ALMS1: variants seen among roughly 807,000 people sequenced by gnomAD.
ALMS1 encodes centrosome-associated protein ALMS1.
Under a neutral mutation model 352.2 loss-of-function variants are expected in ALMS1, and 271 were observed. The ratio of observed to expected loss-of-function variants is 0.77; its 90% CI spans 0.70 to 0.85. ALMS1 has a LOEUF of 0.85. ALMS1 is among the 40% of genes least tolerant of loss of function. ALMS1 has a pLI of 0.00. For synonymous variants in ALMS1, 1,865 were observed against 1,761.2 expected (o/e 1.06, Z -1.48); for missense variants, 5,445 against 4,870.7 (o/e 1.12, Z -3.51).
Position 73,449,753 on chromosome 2 carries a change from G to C in ALMS1, c.3226G>C (p.Val1076Leu). The change falls in exon 8 of 23, where the codon GTT becomes CTT. Residue 1076 changes from valine to leucine, a missense_variant. Transcript: ENST00000613296. Reference protein sequence around the residue: ...DSHLPEESLKVSAFPGPADQM... With the variant: ...DSHLPEESLKLSAFPGPADQM... Reference sequence around the variant, plus strand: ...TCATCTACCTGAAGAGAGTCTGAAAGTTTCAGCCTTCCCTGGACCAGCTGA... The same window carrying C: ...TCATCTACCTGAAGAGAGTCTGAAACTTTCAGCCTTCCCTGGACCAGCTGA... 1 of 1,614,110 alleles carries C rather than the reference G, an allele frequency of 6.2e-7. No individual in the cohort carries two copies. Among genetic ancestry groups the C allele is most frequent in the Non-Finnish European group, 8.5e-7 (1 of 1,179,978 alleles).
intron 13 of ALMS1, among the ~76,000 whole-genome samples, chr2:73,550,697 A>G (rs969752965): frequency 6.6e-6 from 1 of 152,246 alleles, no homozygotes; most frequent in Non-Finnish European, 1.5e-5. Context: ...TTGAAATGAA[A>G]TAATACCCAA....
At chr2:73,462,953 A>G (rs1301431752) in intron 9 of ALMS1, 1 of 152,188 alleles carries the variant, frequency 6.6e-6, no homozygotes, top group African/African-American at 2.4e-5. Context: ...CCAGATTCAT[A>G]AAGCAAGTCC....
At position 73,584,284 on chromosome 2, in the gene ALMS1, A is replaced by G. The variant is rs113600458; in HGVS notation, c.11547+10860A>G. Among the ~76,000 whole-genome samples the G allele has an allele frequency of 7.9e-3, 1,207 of 152,360 alleles. 13 individuals carry two copies. Among genetic ancestry groups the G allele is most frequent in the African/African-American group, 0.028 (1,157 of 41,586 alleles). ...TAGTAGTAGTATTACTATATTGACT[A>G]GCTTCTGTTTCAAGAATTAGAACAT... On this transcript the variant is annotated intron_variant, in intron 16 of 22. Coordinates refer to ENST00000613296, the MANE Select transcript of ALMS1 (RefSeq NM_001378454.1).
chr2:73,394,992 A>ATATATATGTGTG (rs1553397357), intron 1 of ALMS1, among the ~76,000 whole-genome samples: 2 of 122,036 alleles, frequency 1.6e-5, no homozygotes, highest in African/African-American at 3.7e-5. Flanking sequence ...ATATATGTGT[A>ATATATATGTGTG]TATATATATG....
At position 73,609,611 on chromosome 2, in the gene ALMS1, GAC is replaced by G. The variant is rs763474780; in HGVS notation, c.*3_*4del. Reference sequence around the variant, plus strand: ...CTGGGGAGAAAAGTTCCCTGGGACTGACACAAGTTTATTTTCCTCAGAGCCTT... The same window carrying G: ...CTGGGGAGAAAAGTTCCCTGGGACTGACAAGTTTATTTTCCTCAGAGCCTT... On this transcript the variant is annotated stop_retained_variant and 3_prime_UTR_variant, in exon 23 of 23. Coordinates refer to ENST00000613296, the MANE Select transcript of ALMS1 (RefSeq NM_001378454.1). 2 of 1,613,988 alleles carry G rather than the reference GAC, an allele frequency of 1.2e-6. No individual in the cohort carries two copies. Among genetic ancestry groups the G allele is most frequent in the Middle Eastern group, 1.6e-4 (1 of 6,062 alleles).
At chr2:73,502,609 G>T (rs1673240074) in intron 10 of ALMS1, among the ~76,000 whole-genome samples, 1 of 151,926 alleles carries the variant, frequency 6.6e-6, no homozygotes, top group African/African-American at 2.4e-5. Flanking sequence ...ATCATGAATG[G>T]GTGTTTAATT....
chr2:73,563,740 A>T (rs967058642), intron 15 of ALMS1, among the ~76,000 whole-genome samples: 7 of 126,132 alleles, frequency 5.5e-5, no homozygotes, highest in Non-Finnish European at 1.1e-4. Flanking sequence ...AAAAAAAAAA[A>T]TAAAAATAAA....
chr2:73,408,229 C>T (rs890886398), intron 1 of ALMS1, among the ~76,000 whole-genome samples: 13 of 152,200 alleles, frequency 8.5e-5, no homozygotes, highest in Non-Finnish European at 1.8e-4. Context: ...AGTAGGAGAG[C>T]GCTGCTCCAA....
chr2:73,438,243 A>G (rs1002968894), intron 7 of ALMS1, among the ~76,000 whole-genome samples: 1 of 152,140 alleles, frequency 6.6e-6, no homozygotes, highest in South Asian at 2.1e-4. Flanking sequence ...TGGTCCCTTG[A>G]TATTAGTTGC....
In ALMS1 at chr2:73,450,678, A is replaced by G. The variant is rs755653330; in HGVS notation, c.4151A>G (p.His1384Arg). 17 of 1,612,686 alleles carry G rather than the reference A, an allele frequency of 1.1e-5. No homozygotes were observed. The South Asian group carries it at 1.9e-4, about 18-fold the overall frequency. ...PTVTSTSYSQ[H>R]TEKPSIFYQQ... is the part of the protein sequence containing the mutation. ...GTAACCTCTACTTCTTACTCACAACATACAGAGAAGCCGAGTATTTTCTAC... is the reference window on the plus strand; with the variant it reads ...GTAACCTCTACTTCTTACTCACAACGTACAGAGAAGCCGAGTATTTTCTAC... Residue 1384 changes from histidine (H) to arginine (R), a missense_variant, in exon 8 of 23, where the codon CAT becomes CGT. Transcript: ENST00000613296.
intron 9 of ALMS1, among the ~76,000 whole-genome samples, chr2:73,488,010 A>G (rs577608621): frequency 2.9e-4 from 44 of 152,300 alleles, no homozygotes; most frequent in Middle Eastern, 3.4e-3. Context: ...ATGCATGCCA[A>G]TTGGTCCATG....
chr2:73,420,555 A>G (rs1166842758), intron 3 of ALMS1, among the ~76,000 whole-genome samples: 1 of 152,198 alleles, frequency 6.6e-6, no homozygotes, highest in African/African-American at 2.4e-5. Context: ...TGATGTAAAA[A>G]AGAGCTTTCT....
Position 73,449,932 on chromosome 2 carries a change from CACA to C in ALMS1, c.3406_3408del (p.Thr1136del), listed in dbSNP as rs1327068981. 1 of 1,613,508 alleles carries C rather than the reference CACA, an allele frequency of 6.2e-7. No homozygotes were observed. The highest frequency in any genetic ancestry group is 8.5e-7 in the Non-Finnish European group (1 of 1,179,884). Reference sequence around the variant, plus strand: ...CTGGACTAGCAGACCAGAAGACTGGCACACCAACTGTAACCTCAACTTCCTACT... The same window carrying C: ...CTGGACTAGCAGACCAGAAGACTGGCCCAACTGTAACCTCAACTTCCTACT... On this transcript the variant is annotated inframe_deletion, in exon 8 of 23. Transcript: ENST00000613296.
In ALMS1 at chr2:73,579,183, C is replaced by G. The variant is rs531358018; in HGVS notation, c.11547+5759C>G. Among the ~76,000 whole-genome samples, 36 of 151,298 alleles carry G rather than the reference C, an allele frequency of 2.4e-4. No homozygotes were observed. The South Asian group carries it at 3.1e-3, about 13-fold the overall frequency. ...CCAGCAGTTCTCCTGCCTCGACCTCCCAAGTAGCTGAGATTACAGGTGCCT... is the reference window on the plus strand; with the variant it reads ...CCAGCAGTTCTCCTGCCTCGACCTCGCAAGTAGCTGAGATTACAGGTGCCT... On this transcript the variant is annotated intron_variant, in intron 16 of 22. Transcript: ENST00000613296.
At chr2:73,463,983 C>T (rs1355171868) in intron 9 of ALMS1, among the ~76,000 whole-genome samples, 1 of 152,158 alleles carries the variant, frequency 6.6e-6, no homozygotes, top group Non-Finnish European at 1.5e-5. Context: ...AAGTCCAGGT[C>T]CAGATGGAAT....
chr2:73,535,997 C>T (rs933863709), intron 12 of ALMS1, among the ~76,000 whole-genome samples: 5 of 151,996 alleles, frequency 3.3e-5, no homozygotes, highest in African/African-American at 1.2e-4. Context: ...CTGATACAAC[C>T]TCGCCTGATT....
In ALMS1 at chr2:73,600,746, A is replaced by C. The variant is rs776963509; in HGVS notation, c.11737A>C (p.Ser3913Arg). ...RDVGITFPTP[S>R]SSEAKLEENS... ...TGTTGGGATAACTTTCCCAACTCCA[A>C]GTTCCAGCGAGGCTAAATTGGAAGA... Residue 3913 changes from serine to arginine, a missense_variant, in exon 18 of 23, where the codon AGT becomes CGT. By Grantham distance (110) the Ser-to-Arg change is moderately radical. Transcript: ENST00000613296. 20 of 1,614,102 alleles carry C rather than the reference A, an allele frequency of 1.2e-5. No homozygotes were observed. In the South Asian group the frequency reaches 1.4e-4, roughly 12 times the overall value.
chr2:73,520,053 A>G, intron 11 of ALMS1, 37 bp downstream of exon 11: 1 of 1,613,472 alleles, frequency 6.2e-7, no homozygotes. Context: ...TTGTTAGACC[A>G]GCTCTTTTGT....
upstream of ALMS1, chr2:73,385,821 C>G (rs543687863): frequency 2.5e-4 from 167 of 680,840 alleles, no homozygotes; most frequent in African/African-American, 2.0e-3. Flanking sequence ...CCTTCCCCTC[C>G]CTCCCCCCCT....
Sources: gnomAD v4.1 joint callset for allele counts (sites outside exome capture counted in the v4.1 genomes callset) on GRCh38, gnomAD v4.1.1 for gene constraint, MANE v1.5 for transcripts, NCBI Gene and HGNC (gene_info 2026-07-23, HGNC 2026-07-21) for gene names.